The following ST3GAL1 variants were observed in gnomAD, a reference collection of about 807,000 sequenced individuals.
The protein encoded by ST3GAL1 is CMP-N-acetylneuraminate-beta-galactosamide-alpha-2,3-sialyltransferase 1.
In ST3GAL1, 16 loss-of-function variants were observed where a neutral mutation model predicts 34.1. That is an observed-to-expected ratio of 0.47 (90% CI 0.32 to 0.71). The LOEUF is 0.71. ST3GAL1 is among the 30% of genes least tolerant of loss of function. The probability of loss-of-function intolerance (pLI) is 0.04; values close to 1 mark genes in which losing one functional copy is unlikely to be tolerated. For missense variants in ST3GAL1, 353 were observed against 447.4 expected (o/e 0.79, Z 1.90); for synonymous variants, 191 against 184.7 (o/e 1.03, Z -0.28).
chr8:133,512,611 C>T (rs1817527402), intron 2 of ST3GAL1, among the ~76,000 whole-genome samples: 1 of 152,162 alleles, frequency 6.6e-6, no homozygotes, highest in Non-Finnish European at 1.5e-5. Context: ...GGTGAAGGGC[C>T]TGTCCCAGGT....
intron 2 of ST3GAL1, among the ~76,000 whole-genome samples, chr8:133,541,060 T>TATAGACATATATATAGAC (rs1554618828): frequency 2.2e-5 from 1 of 46,076 alleles, no homozygotes; most frequent in Admixed American, 2.2e-4. Context: ...TATAGACATA[T>TATAGACATATATATAGAC]ATATATAGAC....
At chr8:133,567,895 C>T (rs561119554) in intron 1 of ST3GAL1, among the ~76,000 whole-genome samples, 3 of 149,078 alleles carry the variant, frequency 2.0e-5, no homozygotes, top group South Asian at 2.1e-4. Context: ...CCCTCAGTGA[C>T]GGGCAGCAGA....
intron 1 of ST3GAL1, among the ~76,000 whole-genome samples, chr8:133,551,342 C>T (rs1818829221): frequency 6.6e-6 from 1 of 151,914 alleles, no homozygotes; most frequent in African/African-American, 2.4e-5. Context: ...ATGGTGTGCA[C>T]CTGTAGTCCC....
intron 3 of ST3GAL1, among the ~76,000 whole-genome samples, chr8:133,490,334 A>G (rs1816748672): frequency 6.6e-6 from 1 of 152,168 alleles, no homozygotes; most frequent in Non-Finnish European, 1.5e-5. Context: ...GTACCCAAGC[A>G]TGCCTGCGAT....
chr8:133,458,268 C>G lies in ST3GAL1; in HGVS notation c.*1496G>C, dbSNP rs1406648434. On this transcript the variant is annotated 3_prime_UTR_variant, in exon 10 of 10. Transcript: ENST00000522652. ...AGCTTCATTAAAACACCAGGACCAC[C>G]AACAGAGCCAGGGTGCAAACAATGT... is the stretch of plus-strand genomic sequence containing the variant. 8.5e-5 allele frequency: 13 copies of G among 152,052 alleles called. No individual in the cohort carries two copies. The highest frequency in any genetic ancestry group is 8.5e-4 in the Admixed American group (13 of 15,270). The allele number at this position is 152,052 out of a possible 1,614,324, so 9.4% of individuals were successfully genotyped here.
intron 3 of ST3GAL1, among the ~76,000 whole-genome samples, chr8:133,498,190 A>G (rs1250729751): frequency 1.3e-5 from 2 of 152,232 alleles, no homozygotes; most frequent in Admixed American, 1.3e-4. Flanking sequence ...CCCCCGCCAG[A>G]AGGCAGGCAG....
At chr8:133,528,527 C>T (rs1455319227) in intron 2 of ST3GAL1, among the ~76,000 whole-genome samples, 1 of 152,216 alleles carries the variant, frequency 6.6e-6, no homozygotes, top group Non-Finnish European at 1.5e-5. Context: ...AAGCTGTTTC[C>T]CTCTACAGCC....
intron 2 of ST3GAL1, among the ~76,000 whole-genome samples, chr8:133,521,374 C>G (rs372069672): frequency 6.6e-6 from 1 of 152,180 alleles, no homozygotes; most frequent in East Asian, 1.9e-4. Context: ...TCTCCGCTCA[C>G]TGTAACCTCC....
chr8:133,462,016 G>A (rs1305498711), intron 8 of ST3GAL1, 22 bp from the exon 9 acceptor site: 2 of 1,613,866 alleles, frequency 1.2e-6, no homozygotes, highest in East Asian at 2.2e-5. Context: ...GGAAGACACG[G>A]CCCTTAGTGA....
chr8:133,499,892 G>C (rs1403211731), intron 2 of ST3GAL1, among the ~76,000 whole-genome samples: 1 of 152,178 alleles, frequency 6.6e-6, no homozygotes, highest in Non-Finnish European at 1.5e-5. Flanking sequence ...AGGGCTGGGG[G>C]CAGGTCACAG....
chr8:133,544,265 T>A (rs918503230), intron 2 of ST3GAL1, among the ~76,000 whole-genome samples: 19 of 152,182 alleles, frequency 1.2e-4, no homozygotes, highest in African/African-American at 4.6e-4. Context: ...TTGCACTGGC[T>A]TATGCACCAA....
chr8:133,471,917 C>G (rs1815977936), intron 5 of ST3GAL1, among the ~76,000 whole-genome samples: 1 of 151,806 alleles, frequency 6.6e-6, no homozygotes, highest in Non-Finnish European at 1.5e-5. Flanking sequence ...TCTTTCTGTC[C>G]CTTGAGAATG....
chr8:133,557,636 T>TC (rs1819091363), intron 1 of ST3GAL1, among the ~76,000 whole-genome samples: 1 of 152,050 alleles, frequency 6.6e-6, no homozygotes, highest in Non-Finnish European at 1.5e-5. Flanking sequence ...GATCATGAGG[T>TC]CAAGAGTTTG....
intron 1 of ST3GAL1, among the ~76,000 whole-genome samples, chr8:133,557,976 T>C (rs1022616238): frequency 3.9e-5 from 6 of 151,912 alleles, no homozygotes; most frequent in African/African-American, 1.4e-4. Flanking sequence ...GGTATGTCTC[T>C]TGTGCCTCTG....
intron 2 of ST3GAL1, among the ~76,000 whole-genome samples, chr8:133,542,247 AG>A (rs1427570565): frequency 1.3e-5 from 2 of 152,202 alleles, no homozygotes; most frequent in African/African-American, 4.8e-5. Context: ...GAAAGGAACC[AG>A]GGCTCCTATG....
At position 133,508,989 on chromosome 8, in the gene ST3GAL1, G is replaced by A. The variant is rs1817427337; in HGVS notation, c.-428-9800C>T. On this transcript the variant is annotated intron_variant, in intron 2 of 9. Coordinates refer to ENST00000522652, the MANE Select transcript of ST3GAL1 (RefSeq NM_173344.3). This position sits in a 1 kb window ranked among gnomAD's most constrained non-coding sequence, Gnocchi z 4.1. Reference sequence around the variant, plus strand: ...TGTCTTCTGCCAGCATCTGTCAGCAGGCTAATTTGTCAGCTTGCAAATAGG... The same window carrying A: ...TGTCTTCTGCCAGCATCTGTCAGCAAGCTAATTTGTCAGCTTGCAAATAGG... 6.6e-6 allele frequency among the ~76,000 whole-genome samples: 1 copy of A among 152,132 alleles called. No individual in the cohort carries two copies. The highest frequency in any genetic ancestry group is 2.4e-5 in the African/African-American group (1 of 41,446).
intron 2 of ST3GAL1, among the ~76,000 whole-genome samples, chr8:133,504,395 A>G (rs985881286): frequency 2.0e-5 from 3 of 152,180 alleles, no homozygotes; most frequent in Admixed American, 6.5e-5. Context: ...CCAAAACTCA[A>G]TCCAATCCAA....
intron 1 of ST3GAL1, among the ~76,000 whole-genome samples, chr8:133,552,138 G>A (rs1042123182): frequency 6.6e-6 from 1 of 152,200 alleles, no homozygotes; most frequent in Non-Finnish European, 1.5e-5. Context: ...CCCTAGAAAA[G>A]CCCACTGCAG....
At position 133,565,284 on chromosome 8, in the gene ST3GAL1, G is replaced by A. The variant is rs549189086; in HGVS notation, c.-582+6409C>T. 3.7e-3 allele frequency among the ~76,000 whole-genome samples: 566 copies of A among 152,214 alleles called. 3 individuals are homozygous for A. Among genetic ancestry groups the A allele is most frequent in the Admixed American group, 8.0e-3 (122 of 15,298 alleles). ...CTCCCTGCCTTTGGCTGCTGGGTGG[G>A]CTCAGCTCTTGGTGCCACAGAGTTG... On this transcript the variant is annotated intron_variant, in intron 1 of 9. Transcript: ENST00000522652.
Sources: gnomAD v4.1 joint callset for allele counts (sites outside exome capture counted in the v4.1 genomes callset) on GRCh38, gnomAD v4.1.1 for gene constraint, Gnocchi (gnomAD v3.1) non-coding constraint, MANE v1.5 for transcripts, NCBI Gene and HGNC (gene_info 2026-07-23, HGNC 2026-07-21) for gene names.